Variants in MSH3 observed in about 807,000 individuals in gnomAD.
The protein encoded by MSH3 is mutS homolog 3.
MSH3 carries 106 observed loss-of-function variants against 123.3 expected under a neutral mutation model. The observed-to-expected ratio is 0.86, with a 90% CI of 0.73 to 1.01. The LOEUF is 1.01. MSH3 is among the 50% of genes least tolerant of loss of function. MSH3 has a pLI of 0.00. For synonymous variants in MSH3, 515 were observed against 481.4 expected, an observed-to-expected ratio of 1.07 and a Z score of -0.91; for missense variants, 1,459 against 1,347.6, an observed-to-expected ratio of 1.08 and a Z score of -1.29.
At position 80,844,242 on chromosome 5, in the gene MSH3, G is replaced by A. The variant is rs183970088; in HGVS notation, c.2814-9888G>A. Among the ~76,000 whole-genome samples, 34 of 152,166 alleles carry A rather than the reference G, an allele frequency of 2.2e-4. No homozygotes were observed. The Middle Eastern group carries it at 0.01, about 46-fold the overall frequency. ...GTTTCTTAATCCTGAGTTCTAATTC[G>A]ATTGTAGTATGGTCTGAGAGACAGT... On this transcript the variant is annotated intron_variant, in intron 20 of 23. Transcript: ENST00000265081.
chr5:80,660,229 CAT>C (rs1749402572), intron 2 of MSH3, among the ~76,000 whole-genome samples: 1 of 149,070 alleles, frequency 6.7e-6, no homozygotes, highest in Admixed American at 6.7e-5. Context: ...TTCTGGGATA[CAT>C]GTGTAGAACA....
chr5:80,815,262 G>A (rs1003249301), intron 20 of MSH3, among the ~76,000 whole-genome samples: 4 of 151,636 alleles, frequency 2.6e-5, no homozygotes, highest in African/African-American at 7.3e-5. Context: ...AATTTAAAGA[G>A]TCTTTCTTTA....
rs117652726 is a variant in MSH3 at position 80,737,786 on chromosome 5, C to T, written c.1569-3678C>T. On this transcript the variant is annotated intron_variant, in intron 10 of 23. Transcript: ENST00000265081. ...ATAAATTTATACTTATAAATACTTA[C>T]GAAATATATGGGAACTCCAGAAGCA... Among the ~76,000 whole-genome samples, 1,360 of 152,154 alleles carry T rather than the reference C, an allele frequency of 8.9e-3. 14 individuals carry two copies. The highest frequency in any genetic ancestry group is 0.031 in the African/African-American group (1,294 of 41,500).
At chr5:80,791,507 C>T (rs745690829) in intron 18 of MSH3, among the ~76,000 whole-genome samples, 2 of 152,134 alleles carry the variant, frequency 1.3e-5, no homozygotes, top group Admixed American at 6.5e-5. Context: ...ATGTCTTACC[C>T]ATTTCAGATA....
intron 14 of MSH3, 83 bp from the exon 15 acceptor site, chr5:80,768,752 C>T (rs1744166786): frequency 2.4e-6 from 3 of 1,258,340 alleles, no homozygotes; most frequent in Non-Finnish European, 3.4e-6. Context: ...GTGCTTTCCT[C>T]TTTTATCACA....
chr5:80,773,181 A>G (rs546379304), intron 15 of MSH3, among the ~76,000 whole-genome samples: 3 of 152,290 alleles, frequency 2.0e-5, no homozygotes, highest in Non-Finnish European at 4.4e-5. Flanking sequence ...CAGTGATCCA[A>G]TCAGTCTGTT....
chr5:80,772,759 A>G (rs1744233731), intron 15 of MSH3, among the ~76,000 whole-genome samples: 1 of 152,172 alleles, frequency 6.6e-6, no homozygotes, highest in African/African-American at 2.4e-5. Context: ...AGCTAGAGAA[A>G]AATGTTGTAT....
chr5:80,729,769 T>C (rs1010573831), intron 10 of MSH3, among the ~76,000 whole-genome samples: 5 of 152,116 alleles, frequency 3.3e-5, no homozygotes, highest in African/African-American at 1.2e-4. Context: ...TTGATAACCA[T>C]TGGAATAGAA....
intron 3 of MSH3, among the ~76,000 whole-genome samples, chr5:80,669,679 A>G (rs1281698932): frequency 6.6e-6 from 1 of 152,216 alleles, no homozygotes; most frequent in African/African-American, 2.4e-5. Context: ...ATCTGTTGGC[A>G]TGCTTTGCTC....
intron 20 of MSH3, among the ~76,000 whole-genome samples, chr5:80,824,051 T>C (rs1256504595): frequency 6.6e-6 from 1 of 152,246 alleles, no homozygotes; most frequent in Non-Finnish European, 1.5e-5. Flanking sequence ...GGCAGAAGAA[T>C]CTTTCTTAGT....
At position 80,677,941 on chromosome 5, in the gene MSH3, A is replaced by T. The variant is rs182215548; in HGVS notation, c.1174-986A>T. ...AGTTGTACAGAGAATGCTGCTGTAA[A>T]TATTTTTGTATGTCTTGTATCGTAT... On this transcript the variant is annotated intron_variant, in intron 7 of 23. Coordinates refer to ENST00000265081, the MANE Select transcript of MSH3 (RefSeq NM_002439.5). 3.2e-4 allele frequency among the ~76,000 whole-genome samples: 48 copies of T among 152,268 alleles called. No homozygotes were observed. The East Asian group carries it at 8.7e-3, about 28-fold the overall frequency.
chr5:80,668,985 C>T (rs1194940569), intron 3 of MSH3, among the ~76,000 whole-genome samples: 4 of 152,338 alleles, frequency 2.6e-5, no homozygotes, highest in African/African-American at 2.4e-5. Flanking sequence ...GCTGGCGTTA[C>T]GGCAGTGGCT....
intron 20 of MSH3, among the ~76,000 whole-genome samples, chr5:80,830,441 T>G (rs912796792): frequency 3.3e-5 from 5 of 152,244 alleles, no homozygotes; most frequent in Non-Finnish European, 7.3e-5. Context: ...CATGAGGTTA[T>G]AATGTGTGCA....
intron 15 of MSH3, among the ~76,000 whole-genome samples, chr5:80,771,288 T>C (rs1185035074): frequency 6.6e-6 from 1 of 152,150 alleles, no homozygotes; most frequent in Non-Finnish European, 1.5e-5. Context: ...GTTCAAGACC[T>C]GCTTGGGCAA....
Position 80,752,205 on chromosome 5 carries a change from G to A in MSH3, c.1763+7590G>A, listed in dbSNP as rs977269587. On this transcript the variant is annotated intron_variant, in intron 12 of 23. Transcript: ENST00000265081. Reference sequence around the variant, plus strand: ...AAGCAGAGGTCTGAATCTGAGATTCGAAGAAAGAAAAGTAGCCAAGGTGGA... The same window carrying A: ...AAGCAGAGGTCTGAATCTGAGATTCAAAGAAAGAAAAGTAGCCAAGGTGGA... Among the ~76,000 whole-genome samples the A allele has an allele frequency of 2.0e-5, 3 of 151,998 alleles. No individual in the cohort carries two copies. The East Asian group carries it at 5.8e-4, about 29-fold the overall frequency.
At chr5:80,699,924 G>A (rs993026921) in intron 8 of MSH3, among the ~76,000 whole-genome samples, 22 of 152,098 alleles carry the variant, frequency 1.4e-4, no homozygotes, top group Admixed American at 9.8e-4. Context: ...TGTGGTATTC[G>A]TAGGAAATCT....
chr5:80,737,696 A>T (rs1743537116), intron 10 of MSH3, among the ~76,000 whole-genome samples: 1 of 152,188 alleles, frequency 6.6e-6, no homozygotes, highest in Admixed American at 6.5e-5. Context: ...TTCTAATGGA[A>T]ATAGGTGCTA....
intron 8 of MSH3, among the ~76,000 whole-genome samples, chr5:80,689,856 G>A (rs562852384): frequency 2.8e-4 from 42 of 152,044 alleles, no homozygotes; most frequent in African/African-American, 9.2e-4. Flanking sequence ...TGATATTGCT[G>A]TAATATGCTG....
chr5:80,670,632 A>T (rs1749683813), intron 4 of MSH3, among the ~76,000 whole-genome samples: 1 of 152,182 alleles, frequency 6.6e-6, no homozygotes, highest in African/African-American at 2.4e-5. Context: ...ATGTTTTCTA[A>T]TGAAGACTCA....
Sources: gnomAD v4.1 joint callset for allele counts (sites outside exome capture counted in the v4.1 genomes callset) on GRCh38, gnomAD v4.1.1 for gene constraint, MANE v1.5 for transcripts, NCBI Gene and HGNC (gene_info 2026-07-23, HGNC 2026-07-21) for gene names.